Variants in PPP1R42 observed in about 807,000 individuals in gnomAD.
PPP1R42 encodes protein phosphatase 1 regulatory subunit 42, also known as leucine rich repeat containing 67.
A neutral mutation model predicts 31.0 loss-of-function variants in PPP1R42; 34 were observed. That is an observed-to-expected ratio of 1.10 (90% CI 0.83 to 1.46). The LOEUF is 1.46. PPP1R42 is among the 40% of genes most tolerant of loss of function. PPP1R42 has a pLI of 0.00. For missense variants in PPP1R42, 268 were observed against 303.0 expected (o/e 0.88, Z 0.86); for synonymous variants, 103 against 109.8 (o/e 0.94, Z 0.39).
At chr8:67,021,328 A>C (rs1417443621) in intron 1 of PPP1R42, 3 of 152,206 alleles carry the variant, frequency 2.0e-5, no homozygotes, top group Non-Finnish European at 4.4e-5. Flanking sequence ...TAGACTCTTC[A>C]AAATGCAAAG....
intron 7 of PPP1R42, among the ~76,000 whole-genome samples, chr8:66,972,100 A>G (rs1814553130): frequency 6.6e-6 from 1 of 152,206 alleles, no homozygotes; most frequent in Non-Finnish European, 1.5e-5. Flanking sequence ...TCTCTTGCAC[A>G]GTTATAAAAG....
chr8:67,024,619 C>T (rs886798578), intron 1 of PPP1R42, among the ~76,000 whole-genome samples: 7 of 151,546 alleles, frequency 4.6e-5, no homozygotes, highest in African/African-American at 1.2e-4. Context: ...GGACTACAGG[C>T]GCCTCCCACC....
Position 66,981,338 on chromosome 8 carries a change from A to G in PPP1R42, c.802+711T>C, listed in dbSNP as rs1814828343. 1.3e-5 allele frequency among the ~76,000 whole-genome samples: 2 copies of G among 150,798 alleles called. 1 individual carries two copies. The highest frequency in any genetic ancestry group is 4.2e-4 in the South Asian group (2 of 4,784). Reference sequence around the variant, plus strand: ...GACAGTCCACAGATGTGGTCGTGATATATTTTTATTTTCTATCCTGATGAA... The same window carrying G: ...GACAGTCCACAGATGTGGTCGTGATGTATTTTTATTTTCTATCCTGATGAA... On this transcript the variant is annotated intron_variant, in intron 7 of 7. Transcript: ENST00000685739.
intron 1 of PPP1R42, among the ~76,000 whole-genome samples, chr8:67,018,814 G>GCCCC (rs55943057): frequency 1.6e-3 from 6 of 3,648 alleles, no homozygotes; most frequent in Admixed American, 7.5e-3. Context: ...CCTGGCCCCC[G>GCCCC]CCCCCCCCCC....
At chr8:66,986,589 G>A (rs777391047) in intron 6 of PPP1R42, among the ~76,000 whole-genome samples, 7 of 152,306 alleles carry the variant, frequency 4.6e-5, no homozygotes, top group Non-Finnish European at 8.8e-5. Context: ...GAGCGCATGC[G>A]TCGCAGAACC....
intron 5 of PPP1R42, among the ~76,000 whole-genome samples, chr8:67,002,210 A>T (rs1563425337): frequency 6.6e-6 from 1 of 152,004 alleles, no homozygotes; most frequent in Non-Finnish European, 1.5e-5. Context: ...GTCTATATAT[A>T]TTTTTTTACA....
chr8:66,982,818 C>G (rs1439812329), intron 6 of PPP1R42, among the ~76,000 whole-genome samples: 1 of 152,254 alleles, frequency 6.6e-6, no homozygotes, highest in Non-Finnish European at 1.5e-5. Flanking sequence ...CTCTGTCACC[C>G]AGGCTGGAAT....
At chr8:66,968,857 T>G (rs777861755) in intron 7 of PPP1R42, among the ~76,000 whole-genome samples, 1 of 152,190 alleles carries the variant, frequency 6.6e-6, no homozygotes, top group African/African-American at 2.4e-5. Context: ...GAGGAAATAA[T>G]AAGCATTTAA....
intron 5 of PPP1R42, among the ~76,000 whole-genome samples, chr8:67,002,758 CT>C (rs1815537936): frequency 7.6e-6 from 1 of 130,836 alleles, no homozygotes; most frequent in Admixed American, 8.3e-5. Context: ...TTTTTCCGTG[CT>C]TTACTTTGGA....
Position 66,966,210 on chromosome 8 carries a change from G to A in PPP1R42, c.803-1876C>T, listed in dbSNP as rs550391293. On this transcript the variant is annotated intron_variant, in intron 7 of 7. Transcript: ENST00000685739. ...ATTGTGGAGCTGAATAGCTACAGTTGCCTTTAGTTGGGCATGTGCTTACCA... is the reference window on the plus strand; with the variant it reads ...ATTGTGGAGCTGAATAGCTACAGTTACCTTTAGTTGGGCATGTGCTTACCA... Among the ~76,000 whole-genome samples the A allele has an allele frequency of 2.0e-5, 3 of 152,336 alleles. No homozygotes were observed. The East Asian group carries it at 5.8e-4, about 29-fold the overall frequency.
At chr8:66,986,655 C>A (rs1306158192) in intron 6 of PPP1R42, among the ~76,000 whole-genome samples, 1 of 152,232 alleles carries the variant, frequency 6.6e-6, no homozygotes, top group Admixed American at 6.5e-5. Context: ...AAGCCTGTTT[C>A]TGCCAAGTTA....
intron 6 of PPP1R42, chr8:66,984,758 C>T: frequency 6.2e-7 from 1 of 1,608,676 alleles, no homozygotes. Context: ...GGGTCTTGAA[C>T]AGCTTCTGTT....
chr8:67,011,431 G>A (rs1815841513), intron 4 of PPP1R42, among the ~76,000 whole-genome samples: 1 of 152,224 alleles, frequency 6.6e-6, no homozygotes, highest in Non-Finnish European at 1.5e-5. Flanking sequence ...GGAGGCTGAG[G>A]CAGGATAATC....
At chr8:66,987,838 TTCTG>T (rs1229171714) in intron 6 of PPP1R42, among the ~76,000 whole-genome samples, 1 of 152,220 alleles carries the variant, frequency 6.6e-6, no homozygotes, top group East Asian at 1.9e-4. Context: ...CTGCCCATCT[TTCTG>T]ATGCTGTGTC....
intron 1 of PPP1R42, among the ~76,000 whole-genome samples, chr8:67,026,363 G>A (rs1313394741): frequency 1.3e-5 from 2 of 151,916 alleles, no homozygotes; most frequent in Non-Finnish European, 2.9e-5. Context: ...AAAAGAAAAT[G>A]TGACAAGGTA....
intron 7 of PPP1R42, among the ~76,000 whole-genome samples, chr8:66,967,140 A>T (rs1435004260): frequency 1.3e-5 from 2 of 151,338 alleles, no homozygotes; most frequent in East Asian, 3.9e-4. Context: ...CTACACCTGA[A>T]TTTTTTTTTC....
intron 7 of PPP1R42, among the ~76,000 whole-genome samples, chr8:66,970,316 T>G (rs767259556): frequency 5.9e-4 from 89 of 151,844 alleles, no homozygotes; most frequent in Admixed American, 2.0e-3. Flanking sequence ...TTTTTTTTTT[T>G]GTAGAGAAGG....
chr8:66,999,302 C>T (rs1265989057), intron 5 of PPP1R42, among the ~76,000 whole-genome samples: 3 of 152,154 alleles, frequency 2.0e-5, no homozygotes, highest in Non-Finnish European at 2.9e-5. Context: ...CTCACTGCAC[C>T]CTCCACCTCT....
chr8:67,002,801 A>T (rs1585666477), intron 5 of PPP1R42, among the ~76,000 whole-genome samples: 1 of 131,436 alleles, frequency 7.6e-6, no homozygotes, highest in African/African-American at 2.9e-5. Flanking sequence ...AAATTCGCTG[A>T]TCTTTTCTTG....
Sources: allele counts gnomAD v4.1 joint callset (sites outside exome capture counted in the v4.1 genomes callset), GRCh38; gene constraint gnomAD v4.1.1; transcripts MANE v1.5; gene names NCBI Gene and HGNC (gene_info 2026-07-23, HGNC 2026-07-21).